EEPD1: variants seen among roughly 807,000 people sequenced by gnomAD.
EEPD1 encodes endonuclease/exonuclease/phosphatase family domain containing 1, also known as endonuclease/exonuclease/phosphatase family domain-containing protein 1.
Under a neutral mutation model 46.3 loss-of-function variants are expected in EEPD1, and 17 were observed. The ratio of observed to expected loss-of-function variants is 0.37; its 90% CI spans 0.25 to 0.55. The LOEUF is 0.55. EEPD1 is among the 20% of genes least tolerant of loss of function. The pLI is 0.83. For missense variants in EEPD1, 673 were observed against 745.6 expected (o/e 0.90, Z 1.13); for synonymous variants, 313 against 315.6 (o/e 0.99, Z 0.09).
intron 2 of EEPD1, among the ~76,000 whole-genome samples, chr7:36,205,693 A>G: frequency 6.6e-6 from 1 of 152,204 alleles, no homozygotes; most frequent in Non-Finnish European, 1.5e-5. Flanking sequence ...TGGATTTTTA[A>G]TTATGTATTT....
intron 2 of EEPD1, among the ~76,000 whole-genome samples, chr7:36,197,808 G>A (rs1028394975): frequency 6.6e-6 from 1 of 151,786 alleles, no homozygotes; most frequent in Non-Finnish European, 1.5e-5. Flanking sequence ...TTGTTCACTT[G>A]TTTGTCTGCT....
At chr7:36,160,676 T>TGGGGGGGGGGGGGG (rs150571892) in intron 2 of EEPD1, among the ~76,000 whole-genome samples, 4 of 36,490 alleles carry the variant, frequency 1.1e-4, no homozygotes, top group Non-Finnish European at 1.9e-4. Flanking sequence ...TGGGAGGTGG[T>TGGGGGGGGGGGGGG]GGGGGGCGGG....
chr7:36,263,336 A>AG lies in EEPD1; in HGVS notation c.931-17771dup, dbSNP rs543415578. 8.5e-3 allele frequency among the ~76,000 whole-genome samples: 1,289 copies of AG among 151,550 alleles called. 5 individuals are homozygous for AG. Among genetic ancestry groups the AG allele is most frequent in the Non-Finnish European group, 0.013 (904 of 67,828 alleles). On this transcript the variant is annotated intron_variant, in intron 3 of 7. Transcript: ENST00000242108. ...GGCAGAGAACACCCTGTCTCAAGGG[A>AG]GGGGGGGGAAAAAGCAGAGTTAATT...
At chr7:36,290,326 G>A (rs1450951544) in intron 6 of EEPD1, among the ~76,000 whole-genome samples, 1 of 152,042 alleles carries the variant, frequency 6.6e-6, no homozygotes, top group East Asian at 1.9e-4. Flanking sequence ...GCCTGGCTTG[G>A]CCTTGACTCA....
intron 2 of EEPD1, among the ~76,000 whole-genome samples, chr7:36,178,973 G>C (rs1315732271): frequency 6.6e-6 from 1 of 152,252 alleles, no homozygotes; most frequent in Non-Finnish European, 1.5e-5. Context: ...ATTTAAACTT[G>C]AAAAGAGATT....
chr7:36,163,976 C>A (rs1394414001), intron 2 of EEPD1, among the ~76,000 whole-genome samples: 2 of 151,482 alleles, frequency 1.3e-5, no homozygotes, highest in South Asian at 2.1e-4. Flanking sequence ...AGGCTAGATG[C>A]TTTCTTAACC....
intron 2 of EEPD1, among the ~76,000 whole-genome samples, chr7:36,214,257 A>G (rs895514640): frequency 1.2e-4 from 18 of 152,198 alleles, no homozygotes; most frequent in African/African-American, 4.1e-4. Context: ...TGGGACAAAT[A>G]TGGAAGAAGG....
rs528211634 is a variant in EEPD1 at position 36,240,430 on chromosome 7, C to G, written c.930+1394C>G. Among the ~76,000 whole-genome samples the G allele has an allele frequency of 3.9e-5, 6 of 152,268 alleles. No homozygotes were observed. The East Asian group carries it at 1.2e-3, about 29-fold the overall frequency. On this transcript the variant is annotated intron_variant, in intron 3 of 7. Transcript: ENST00000242108. Reference sequence around the variant, plus strand: ...CAACCTCATTTCTATCTTGGGTAAACCAAGGATAGAGCTGCTGCCTGACCT... The same window carrying G: ...CAACCTCATTTCTATCTTGGGTAAAGCAAGGATAGAGCTGCTGCCTGACCT...
intron 3 of EEPD1, among the ~76,000 whole-genome samples, chr7:36,274,296 G>A (rs543266632): frequency 6.6e-6 from 1 of 152,220 alleles, no homozygotes; most frequent in African/African-American, 2.4e-5. Flanking sequence ...CCTAAGGAGA[G>A]CCAGGGCATG....
intron 5 of EEPD1, among the ~76,000 whole-genome samples, chr7:36,286,459 G>T (rs1470806913): frequency 2.0e-5 from 3 of 152,180 alleles, no homozygotes; most frequent in Non-Finnish European, 4.4e-5. Context: ...TCCCTTCCTG[G>T]CAGTGTTGAT....
rs374744939 is a variant in EEPD1 at position 36,258,102 on chromosome 7, G to A, written c.930+19066G>A. Among the ~76,000 whole-genome samples, 8 of 152,310 alleles carry A rather than the reference G, an allele frequency of 5.3e-5. No homozygotes were observed. The South Asian group carries it at 6.2e-4, about 12-fold the overall frequency. On this transcript the variant is annotated intron_variant, in intron 3 of 7. Transcript: ENST00000242108. Reference sequence around the variant, plus strand: ...AGGCCCCTCTGCTACAGGTCTGCTGGAGTTTGCGGGAGGTCCACTCCGGAC... The same window carrying A: ...AGGCCCCTCTGCTACAGGTCTGCTGAAGTTTGCGGGAGGTCCACTCCGGAC...
intron 2 of EEPD1, among the ~76,000 whole-genome samples, chr7:36,220,046 G>C (rs1245292452): frequency 6.6e-6 from 1 of 152,072 alleles, no homozygotes; most frequent in Non-Finnish European, 1.5e-5. Flanking sequence ...CCCAGCTAGA[G>C]TCCCCTCTGC....
intron 3 of EEPD1, among the ~76,000 whole-genome samples, chr7:36,275,727 TG>T (rs1583475312): frequency 6.6e-6 from 1 of 152,212 alleles, no homozygotes; most frequent in African/African-American, 2.4e-5. Flanking sequence ...TCCAAAGTAT[TG>T]GGATTACAGG....
At chr7:36,235,240 G>A (rs1360167220) in intron 2 of EEPD1, among the ~76,000 whole-genome samples, 1 of 152,138 alleles carries the variant, frequency 6.6e-6, no homozygotes, top group Admixed American at 6.5e-5. Context: ...CTCCCCCACA[G>A]CATCGACCAC....
intron 2 of EEPD1, among the ~76,000 whole-genome samples, chr7:36,238,401 G>C (rs1450958159): frequency 6.6e-6 from 1 of 152,200 alleles, no homozygotes; most frequent in African/African-American, 2.4e-5. Context: ...ATTCAAGATG[G>C]AATAGCTGTG....
Position 36,154,836 on chromosome 7 carries a change from T to G in EEPD1, c.512T>G (p.Phe171Cys). 2 of 1,614,142 alleles carry G rather than the reference T, an allele frequency of 1.2e-6. No individual in the cohort carries two copies. Among genetic ancestry groups the G allele is most frequent in the East Asian group, 4.5e-5 (2 of 44,874 alleles). The stretch of plus-strand genomic sequence containing the variant: ...GACTTCCGCCGTGAGCATGGGCCCT[T>G]TCGCAGCGTTGAGGACCTAGTGAGG... ...IVDFRREHGP[F>C]RSVEDLVRMD... Residue 171 changes from phenylalanine to cysteine, a missense_variant, in exon 2 of 8, where the codon TTT (phenylalanine) becomes TGT (cysteine). Physicochemically the swap from Phe to Cys is radical, Grantham distance 205. Transcript: ENST00000242108. This position sits in a 1 kb window ranked among gnomAD's most constrained non-coding sequence, Gnocchi z 4.2.
chr7:36,182,390 C>A (rs1284414982), intron 2 of EEPD1, among the ~76,000 whole-genome samples: 1 of 152,286 alleles, frequency 6.6e-6, no homozygotes, highest in South Asian at 2.1e-4. Context: ...GGTGGGGGCA[C>A]GGGGAGGGCT....
At chr7:36,258,589 G>A (rs555313216) in intron 3 of EEPD1, among the ~76,000 whole-genome samples, 9 of 152,252 alleles carry the variant, frequency 5.9e-5, no homozygotes, top group South Asian at 2.1e-4. Context: ...AGTGAGCTCC[G>A]CCCAGTTGGA....
intron 3 of EEPD1, among the ~76,000 whole-genome samples, chr7:36,248,205 G>A (rs888049972): frequency 1.3e-5 from 2 of 151,408 alleles, no homozygotes; most frequent in Non-Finnish European, 2.9e-5. Flanking sequence ...TATACTTTAA[G>A]ATACTTTTTT....
Sources: gnomAD v4.1 joint callset for allele counts (sites outside exome capture counted in the v4.1 genomes callset) on GRCh38, gnomAD v4.1.1 for gene constraint, Gnocchi (gnomAD v3.1) non-coding constraint, MANE v1.5 for transcripts, NCBI Gene and HGNC (gene_info 2026-07-23, HGNC 2026-07-21) for gene names.